Variants in HS3ST3A1 observed in about 807,000 individuals in gnomAD.
HS3ST3A1 encodes heparan sulfate glucosamine 3-O-sulfotransferase 3A1.
A neutral mutation model predicts 25.7 loss-of-function variants in HS3ST3A1; 19 were observed. That is an observed-to-expected ratio of 0.74 (90% CI 0.52 to 1.08). The LOEUF is 1.08. Ranked by LOEUF, HS3ST3A1 falls within the 50% of genes least tolerant of loss-of-function variation. The pLI is 0.00. For synonymous variants in HS3ST3A1, 226 were observed against 278.6 expected (o/e 0.81, Z 1.88); for missense variants, 459 against 594.3 (o/e 0.77, Z 2.37).
intron 1 of HS3ST3A1, among the ~76,000 whole-genome samples, chr17:13,497,771 T>C (rs1279708325): frequency 6.6e-6 from 1 of 152,246 alleles, no homozygotes; most frequent in African/African-American, 2.4e-5. Flanking sequence ...TAGAGATCTT[T>C]AGTTATTTCA....
Position 13,561,388 on chromosome 17 carries a change from C to CTT in HS3ST3A1, c.599+39141_599+39142dup, listed in dbSNP as rs569977802. Among the ~76,000 whole-genome samples, 1,190 of 139,912 alleles carry CTT rather than the reference C, an allele frequency of 8.5e-3. 20 individuals are homozygous for CTT. The highest frequency in any genetic ancestry group is 0.03 in the African/African-American group (1,130 of 38,128). The allele number at this position is 139,912 out of a possible 152,430, so 91.8% of individuals were successfully genotyped here. ...ATTCACCCTGAGATACCAGATCATT[C>CTT]TTTTTTTTTTTTTTTGGAGACAGAA... On this transcript the variant is annotated intron_variant, in intron 1 of 1. Transcript: ENST00000284110.
In HS3ST3A1 at chr17:13,495,976, T is replaced by C. The variant is rs1490240426; in HGVS notation, c.*221A>G. ...TAGAACATAAAATAAAAACTGAAAA[T>C]TGAAAGTGTTTAGACGAGTGAAATT... is the stretch of plus-strand genomic sequence containing the variant. On this transcript the variant is annotated 3_prime_UTR_variant, in exon 2 of 2. Coordinates refer to ENST00000284110, the MANE Select transcript of HS3ST3A1 (RefSeq NM_006042.3). The C allele has an allele frequency of 3.2e-5, 16 of 493,038 alleles. No individual in the cohort carries two copies. The highest frequency in any genetic ancestry group is 4.8e-5 in the Non-Finnish European group (14 of 292,652). 30.5% of individuals were successfully genotyped at this position (493,038 alleles called of 1,614,324 possible).
At chr17:13,513,018 T>C (rs986972813) in intron 1 of HS3ST3A1, among the ~76,000 whole-genome samples, 1 of 152,240 alleles carries the variant, frequency 6.6e-6, no homozygotes, top group African/African-American at 2.4e-5. Context: ...TAACAGTTTA[T>C]TAGCTTGATT....
intron 1 of HS3ST3A1, among the ~76,000 whole-genome samples, chr17:13,506,080 T>G (rs1034534727): frequency 3.3e-5 from 4 of 121,214 alleles, no homozygotes; most frequent in Non-Finnish European, 7.1e-5. Context: ...TGGAGTTACT[T>G]TTTTTTTTTT....
At chr17:13,524,139 C>T (rs753171791) in intron 1 of HS3ST3A1, among the ~76,000 whole-genome samples, 7 of 152,148 alleles carry the variant, frequency 4.6e-5, no homozygotes, top group Non-Finnish European at 8.8e-5. Context: ...TTACTTGTCA[C>T]TCACAGAGTA....
intron 1 of HS3ST3A1, among the ~76,000 whole-genome samples, chr17:13,542,567 A>G (rs777203830): frequency 6.6e-6 from 1 of 152,042 alleles, no homozygotes; most frequent in Non-Finnish European, 1.5e-5. Flanking sequence ...GTGAGACAAT[A>G]AACTGTTGTT....
In HS3ST3A1 at chr17:13,560,289, C is replaced by CAAAAAAGAAAAAAAAAAA. The variant is rs1907498226; in HGVS notation, c.599+40241_599+40242insTTTTTTTTTTTCTTTTTT. On this transcript the variant is annotated intron_variant, in intron 1 of 1. Coordinates refer to ENST00000284110, the MANE Select transcript of HS3ST3A1 (RefSeq NM_006042.3). ...TGGGCAACAGAGGGACACTCGTCTC[C>CAAAAAAGAAAAAAAAAAA]AAAAAAAAAAAAAAAAAAAAAAAAA... Among the ~76,000 whole-genome samples the CAAAAAAGAAAAAAAAAAA allele has an allele frequency of 1.2e-4, 2 of 17,378 alleles. 1 individual carries two copies. The highest frequency in any genetic ancestry group is 2.3e-4 in the Non-Finnish European group (2 of 8,844). The allele number at this position is 17,378 out of a possible 152,430, so 11.4% of individuals were successfully genotyped here.
intron 1 of HS3ST3A1, among the ~76,000 whole-genome samples, chr17:13,529,938 G>GA (rs1023127543): frequency 6.7e-6 from 1 of 150,244 alleles, no homozygotes; most frequent in East Asian, 1.9e-4. Context: ...GATGTTTAAG[G>GA]AAAAAAAATG....
At chr17:13,514,565 T>G (rs1598410613) in intron 1 of HS3ST3A1, among the ~76,000 whole-genome samples, 2 of 152,246 alleles carry the variant, frequency 1.3e-5, no homozygotes, top group East Asian at 3.8e-4. Flanking sequence ...ATGCTTGTCC[T>G]GGCATTAGTA....
At position 13,600,802 on chromosome 17, in the gene HS3ST3A1, C is replaced by T; in HGVS notation, c.328G>A (p.Glu110Lys). The T allele has an allele frequency of 7.0e-7, 1 of 1,421,574 alleles. No homozygotes were observed. The highest frequency in any genetic ancestry group is 9.1e-7 in the Non-Finnish European group (1 of 1,101,212). 88.1% of individuals were successfully genotyped at this position (1,421,574 alleles called of 1,614,324 possible). A position where few individuals can be genotyped will look rare whatever the true frequency, so the allele number is the denominator to read the frequency against. ...RPPAPRDDGE[E>K]AAWEEESPGL... ...GGGGACTCTTCTTCCCAGGCCGCCT[C>T]CTCGCCGTCGTCGCGGGGCGCGGGC... is the stretch of plus-strand genomic sequence containing the variant. Residue 110 changes from glutamate to lysine, a missense_variant, in exon 1 of 2, where the codon GAG becomes AAG. Coordinates refer to ENST00000284110, the MANE Select transcript of HS3ST3A1 (RefSeq NM_006042.3).
chr17:13,510,324 T>C (rs10521223), intron 1 of HS3ST3A1, among the ~76,000 whole-genome samples: 21,508 of 152,258 alleles, frequency 0.14, 1,996 homozygotes, highest in East Asian at 0.29. Context: ...ATCGAGTCTT[T>C]GCATATGTGC....
chr17:13,569,223 T>A (rs1567626077), intron 1 of HS3ST3A1, among the ~76,000 whole-genome samples: 1 of 152,218 alleles, frequency 6.6e-6, no homozygotes, highest in East Asian at 1.9e-4. Flanking sequence ...CCCCACTTAC[T>A]GCCCTGGCAG....
chr17:13,555,965 C>T (rs1198109753), intron 1 of HS3ST3A1: 1 of 152,180 alleles, frequency 6.6e-6, no homozygotes, highest in African/African-American at 2.4e-5. Context: ...TAGATTTCCT[C>T]CTTCTCTTGT....
intron 1 of HS3ST3A1, among the ~76,000 whole-genome samples, chr17:13,598,435 A>G (rs923445316): frequency 2.2e-4 from 34 of 152,166 alleles, no homozygotes; most frequent in African/African-American, 7.7e-4. Flanking sequence ...TTAAACGTAA[A>G]TTTATGCATC....
chr17:13,513,959 T>C (rs963284613), intron 1 of HS3ST3A1, among the ~76,000 whole-genome samples: 2 of 152,140 alleles, frequency 1.3e-5, no homozygotes, highest in Admixed American at 1.3e-4. Flanking sequence ...TATTTTCTCA[T>C]ACACTCCTTA....
At position 13,543,185 on chromosome 17, in the gene HS3ST3A1, A is replaced by T. The variant is rs143542857; in HGVS notation, c.600-46367T>A. Among the ~76,000 whole-genome samples the T allele has an allele frequency of 3.3e-3, 498 of 152,318 alleles. 1 individual carries two copies. The highest frequency in any genetic ancestry group is 6.0e-3 in the Non-Finnish European group (405 of 68,030). ...ATTAAACAAATCTAATGAAGCGTTCATGGAAAACCCCAATTTATAGCCAGA... is the reference window on the plus strand; with the variant it reads ...ATTAAACAAATCTAATGAAGCGTTCTTGGAAAACCCCAATTTATAGCCAGA... On this transcript the variant is annotated intron_variant, in intron 1 of 1. Transcript: ENST00000284110.
At position 13,547,019 on chromosome 17, in the gene HS3ST3A1, A is replaced by G. The variant is rs1206771031; in HGVS notation, c.600-50201T>C. 3.9e-5 allele frequency among the ~76,000 whole-genome samples: 6 copies of G among 152,214 alleles called. No homozygotes were observed. The East Asian group carries it at 1.2e-3, about 29-fold the overall frequency. ...GGAATTTCATGTTTTGCAGTTGCCT[A>G]GGAACCCGTCACAGAATATACATTA... is the stretch of plus-strand genomic sequence containing the variant. On this transcript the variant is annotated intron_variant, in intron 1 of 1. Transcript: ENST00000284110.
intron 1 of HS3ST3A1, among the ~76,000 whole-genome samples, chr17:13,502,687 G>C (rs1165569674): frequency 6.6e-6 from 1 of 151,988 alleles, no homozygotes; most frequent in Non-Finnish European, 1.5e-5. Flanking sequence ...ATGATATTTG[G>C]TCAATTTTCT....
At chr17:13,565,081 G>GT (rs372879699) in intron 1 of HS3ST3A1, among the ~76,000 whole-genome samples, 4 of 151,814 alleles carry the variant, frequency 2.6e-5, no homozygotes, top group Admixed American at 1.3e-4. Context: ...ATGTCTGTTT[G>GT]TTTTTTTCTT....
Sources: gnomAD v4.1 joint callset for allele counts (sites outside exome capture counted in the v4.1 genomes callset) on GRCh38, gnomAD v4.1.1 for gene constraint, MANE v1.5 for transcripts, NCBI Gene and HGNC (gene_info 2026-07-23, HGNC 2026-07-21) for gene names.